The following THSD4 variants were observed in gnomAD, a reference collection of about 807,000 sequenced individuals.
The protein encoded by THSD4 is thrombospondin type-1 domain-containing protein 4.
Under a neutral mutation model 119.0 loss-of-function variants are expected in THSD4, and 69 were observed. The ratio of observed to expected loss-of-function variants is 0.58; its 90% CI spans 0.48 to 0.71. The LOEUF (loss-of-function observed/expected upper bound fraction) is 0.71, where lower values mean the gene tolerates loss of function less well. Ranked by LOEUF, THSD4 falls within the 30% of genes least tolerant of loss-of-function variation. THSD4 has a pLI of 0.00. For synonymous variants in THSD4, 524 were observed against 540.4 expected, an observed-to-expected ratio of 0.97 and a Z score of 0.42; for missense variants, 1,393 against 1,391.1, an observed-to-expected ratio of 1.00 and a Z score of -0.02.
At chr15:71,317,008 T>C (rs2140356101) in intron 6 of THSD4, among the ~76,000 whole-genome samples, 1 of 152,298 alleles carries the variant, frequency 6.6e-6, no homozygotes, top group East Asian at 1.9e-4. Context: ...TTAAAAAGAT[T>C]GGGTGGGATA....
intron 3 of THSD4, among the ~76,000 whole-genome samples, chr15:71,164,095 A>G (rs2043270046): frequency 6.6e-6 from 1 of 151,612 alleles, no homozygotes; most frequent in Non-Finnish European, 1.5e-5. Flanking sequence ...TTAACTGATC[A>G]AGATTTTGGA....
chr15:71,608,237 A>AAATATATATATAT (rs537013275), intron 7 of THSD4, among the ~76,000 whole-genome samples: 1 of 111,624 alleles, frequency 9.0e-6, no homozygotes, highest in Admixed American at 1.1e-4. Context: ...AAAAAAAAAA[A>AAATATATATATAT]ATATATATAT....
chr15:71,727,469 G>A (rs953603697), intron 8 of THSD4, among the ~76,000 whole-genome samples: 2 of 149,716 alleles, frequency 1.3e-5, no homozygotes, highest in Admixed American at 1.3e-4. Flanking sequence ...GCTGAGGCAG[G>A]CAGATCGCTT....
intron 8 of THSD4, among the ~76,000 whole-genome samples, chr15:71,694,014 C>CAAA (rs35248148): frequency 6.4e-5 from 9 of 141,534 alleles, no homozygotes; most frequent in African/African-American, 2.4e-4. Flanking sequence ...GACCCTGTCT[C>CAAA]AAAAAAAAAA....
chr15:71,687,512 T>C (rs1186237449), intron 8 of THSD4, among the ~76,000 whole-genome samples: 1 of 152,032 alleles, frequency 6.6e-6, no homozygotes, highest in African/African-American at 2.4e-5. Flanking sequence ...TCCCAGCACT[T>C]TGGGGGGCCA....
intron 7 of THSD4, among the ~76,000 whole-genome samples, chr15:71,570,558 C>T (rs1157259193): frequency 6.6e-6 from 1 of 152,118 alleles, no homozygotes; most frequent in Admixed American, 6.5e-5. Flanking sequence ...AGGTGCACAC[C>T]ACCACGCCTG....
chr15:71,300,128 A>C (rs1032403202), intron 6 of THSD4, among the ~76,000 whole-genome samples: 2 of 151,360 alleles, frequency 1.3e-5, no homozygotes, highest in Non-Finnish European at 2.9e-5. Flanking sequence ...CCAGTGTGGC[A>C]ACAGAGCAAG....
chr15:71,374,323 C>A (rs980370927), intron 6 of THSD4, among the ~76,000 whole-genome samples: 4 of 152,214 alleles, frequency 2.6e-5, no homozygotes, highest in African/African-American at 9.6e-5. Flanking sequence ...ATCTGTCGAG[C>A]ACTCAGTATG....
At chr15:71,165,946 C>T (rs2043291069) in intron 3 of THSD4, among the ~76,000 whole-genome samples, 1 of 151,906 alleles carries the variant, frequency 6.6e-6, no homozygotes, top group Non-Finnish European at 1.5e-5. Context: ...GTGTGGGGTG[C>T]CTGAGTGGTT....
chr15:71,344,445 G>A (rs956918893), intron 6 of THSD4, among the ~76,000 whole-genome samples: 1 of 152,092 alleles, frequency 6.6e-6, no homozygotes, highest in African/African-American at 2.4e-5. Context: ...AGAAGGGAGG[G>A]CACCATTCAG....
intron 6 of THSD4, among the ~76,000 whole-genome samples, chr15:71,277,119 C>A (rs572271874): frequency 1.0e-5 from 1 of 95,800 alleles, no homozygotes; most frequent in East Asian, 5.0e-4. Context: ...TATTTGAATT[C>A]TTCTTCTTCT....
chr15:71,481,736 C>T (rs781513076), intron 7 of THSD4, among the ~76,000 whole-genome samples: 8 of 152,150 alleles, frequency 5.3e-5, no homozygotes, highest in Non-Finnish European at 1.2e-4. Context: ...TTGGATAGAA[C>T]AACCATTTCA....
chr15:71,774,783 A>C (rs2053884879), intron 17 of THSD4, among the ~76,000 whole-genome samples: 1 of 152,038 alleles, frequency 6.6e-6, no homozygotes, highest in South Asian at 2.1e-4. Flanking sequence ...TCTCTGAAAA[A>C]AAAAAAAATA....
At chr15:71,647,894 G>T (rs868526048) in intron 7 of THSD4, among the ~76,000 whole-genome samples, 1 of 152,318 alleles carries the variant, frequency 6.6e-6, no homozygotes. Flanking sequence ...CCTCGTGGGA[G>T]GGGAGGCCTC....
chr15:71,142,393 C>G (rs1174728925), intron 2 of THSD4, among the ~76,000 whole-genome samples: 4 of 152,088 alleles, frequency 2.6e-5, no homozygotes, highest in Admixed American at 2.0e-4. Context: ...TGTTTTCAAA[C>G]TTTTTAAAAA....
intron 7 of THSD4, among the ~76,000 whole-genome samples, chr15:71,628,414 G>A (rs1040051589): frequency 1.3e-5 from 2 of 152,168 alleles, no homozygotes; most frequent in Non-Finnish European, 1.5e-5. Flanking sequence ...AGACACCAGA[G>A]ATCAGAGAAA....
intron 7 of THSD4, chr15:71,547,636 T>C (rs994203639): frequency 4.0e-5 from 33 of 824,708 alleles, no homozygotes; most frequent in Admixed American, 6.9e-5. Context: ...CCTTTTCTTA[T>C]ATGAAGACTT....
At chr15:71,420,213 T>G (rs753303402) in intron 7 of THSD4, among the ~76,000 whole-genome samples, 1 of 108,690 alleles carries the variant, frequency 9.2e-6, no homozygotes, top group Non-Finnish European at 2.0e-5. Context: ...GAATTGACTC[T>G]TTTATCAAAT....
At chr15:71,123,608 G>A (rs2040427585) in intron 1 of THSD4, among the ~76,000 whole-genome samples, 1 of 152,288 alleles carries the variant, frequency 6.6e-6, no homozygotes, top group South Asian at 2.1e-4. Context: ...TTAGCAGCGG[G>A]CAGGTGAGAG....
Sources: allele counts gnomAD v4.1 joint callset (sites outside exome capture counted in the v4.1 genomes callset), GRCh38; gene constraint gnomAD v4.1.1; transcripts MANE v1.5; gene names NCBI Gene and HGNC (gene_info 2026-07-23, HGNC 2026-07-21).